LMF1: variants seen among roughly 807,000 people sequenced by gnomAD.
The protein encoded by LMF1 is lipase maturation factor 1.
A neutral mutation model predicts 60.6 loss-of-function variants in LMF1; 68 were observed. The ratio of observed to expected loss-of-function variants is 1.12; its 90% CI spans 0.92 to 1.37. The LOEUF is 1.37. Ranked by LOEUF, LMF1 falls within the 40% of genes most tolerant of loss-of-function variation. The pLI is 0.00. For missense variants in LMF1, 948 were observed against 767.2 expected (o/e 1.24, Z -2.78); for synonymous variants, 418 against 324.7 (o/e 1.29, Z -3.09).
intron 4 of LMF1, among the ~76,000 whole-genome samples, chr16:910,145 G>A (rs560101919): frequency 2.6e-5 from 4 of 152,354 alleles, no homozygotes; most frequent in South Asian, 2.1e-4. Context: ...TGTGGCAGAC[G>A]TCAAAAGGAC....
At chr16:914,557 G>C (rs2071219530) in intron 3 of LMF1, among the ~76,000 whole-genome samples, 1 of 144,632 alleles carries the variant, frequency 6.9e-6, no homozygotes, top group Non-Finnish European at 1.5e-5. Flanking sequence ...ATGACCACTG[G>C]TGACACACTC....
chr16:883,997 T>C (rs2070237632), intron 5 of LMF1: 1 of 152,268 alleles, frequency 6.6e-6, no homozygotes, highest in South Asian at 2.1e-4. Context: ...GATTTGTCTA[T>C]GTCTGCTTAC....
At chr16:860,730 T>C (rs911220100) in intron 10 of LMF1, among the ~76,000 whole-genome samples, 3 of 152,114 alleles carry the variant, frequency 2.0e-5, no homozygotes, top group African/African-American at 4.8e-5. Flanking sequence ...TCGAAGATTT[T>C]GTTTTTGTCC....
At chr16:935,929 A>C (rs1295613415) in intron 2 of LMF1, among the ~76,000 whole-genome samples, 1 of 152,250 alleles carries the variant, frequency 6.6e-6, no homozygotes, top group East Asian at 1.9e-4. Context: ...AGAGTACTGG[A>C]GGGCTCATTC....
intron 4 of LMF1, chr16:899,776 A>C (rs1384416218): frequency 6.6e-6 from 1 of 152,236 alleles, no homozygotes; most frequent in Non-Finnish European, 1.5e-5. Flanking sequence ...CGCTTTGCAG[A>C]CAGTCCTGGG....
chr16:965,305 T>C (rs183316043), intron 1 of LMF1, among the ~76,000 whole-genome samples: 20 of 152,148 alleles, frequency 1.3e-4, no homozygotes, highest in African/African-American at 4.3e-4. Context: ...CCCGCCCTGT[T>C]TGGAACCCAG....
At chr16:979,293 GCAC>G in intron 1 of LMF1, 1 of 359,432 alleles carries the variant, frequency 2.8e-6, no homozygotes, top group Non-Finnish European at 5.6e-6. Flanking sequence ...GGGTTTGTGG[GCAC>G]CACTCTGCAT....
chr16:934,070 C>T, intron 3 of LMF1, 174 bp downstream of exon 3: 5 of 1,517,930 alleles, frequency 3.3e-6, no homozygotes, highest in Non-Finnish European at 4.4e-6. Flanking sequence ...CTCCCACATC[C>T]AGGGAGGAGG....
rs12598254 is a variant in LMF1 at position 936,220 on chromosome 16, C to A, written c.504-1966G>T. Among the ~76,000 whole-genome samples, 1,130 of 140,490 alleles carry A rather than the reference C, an allele frequency of 8.0e-3. 9 individuals are homozygous for A. The highest frequency in any genetic ancestry group is 0.058 in the South Asian group (235 of 4,020). 92.2% of individuals were successfully genotyped at this position (140,490 alleles called of 152,430 possible). A position where few individuals can be genotyped will look rare whatever the true frequency, so the allele number is the denominator to read the frequency against. On this transcript the variant is annotated intron_variant, in intron 2 of 10. Coordinates refer to ENST00000262301, the MANE Select transcript of LMF1 (RefSeq NM_022773.4). The stretch of plus-strand genomic sequence containing the variant: ...AGGAGGCTGGGAGAGAGGGGGTACC[C>A]CGTGGGCTGAGGAAGGAGGCTGGGA...
At chr16:957,640 G>C (rs1490304905) in intron 1 of LMF1, among the ~76,000 whole-genome samples, 1 of 152,272 alleles carries the variant, frequency 6.6e-6, no homozygotes, top group African/African-American at 2.4e-5. Context: ...ATCTGGAAAA[G>C]AACAGAGGTG....
In LMF1 at chr16:959,664, C is replaced by T. The variant is rs566773584; in HGVS notation, c.194-4998G>A. ...TCCGGAAAATGTTCTGAGTGGAGAC[C>T]GCAAGGCCAGAAGGAGCTGTACACA... On this transcript the variant is annotated intron_variant, in intron 1 of 10. Transcript: ENST00000262301. 3.3e-5 allele frequency among the ~76,000 whole-genome samples: 5 copies of T among 152,286 alleles called. No homozygotes were observed. In the South Asian group the frequency reaches 8.3e-4, roughly 25 times the overall value.
chr16:873,012 G>A (rs901412507), intron 6 of LMF1: 1 of 152,254 alleles, frequency 6.6e-6, no homozygotes, highest in Non-Finnish European at 1.5e-5. Flanking sequence ...TCTAGCCTCA[G>A]GGAACTAGGG....
intron 2 of LMF1, among the ~76,000 whole-genome samples, chr16:951,357 G>C (rs192379759): frequency 0.011 from 1,621 of 152,322 alleles, 24 homozygotes; most frequent in African/African-American, 0.037. Flanking sequence ...CAGAGTCAGA[G>C]CCAACGATGG....
chr16:887,396 G>A (rs2070340921), intron 5 of LMF1, among the ~76,000 whole-genome samples: 1 of 152,226 alleles, frequency 6.6e-6, no homozygotes, highest in Non-Finnish European at 1.5e-5. Context: ...GCCGGGCCAG[G>A]CTGAGCACTT....
At chr16:890,944 C>T (rs962591776) in intron 5 of LMF1, among the ~76,000 whole-genome samples, 3 of 152,204 alleles carry the variant, frequency 2.0e-5, no homozygotes, top group African/African-American at 7.2e-5. Flanking sequence ...TGCTCCAGGC[C>T]GGGCCCACCC....
At chr16:884,757 C>T (rs1340526196) in intron 5 of LMF1, among the ~76,000 whole-genome samples, 1 of 145,228 alleles carries the variant, frequency 6.9e-6, no homozygotes, top group East Asian at 2.1e-4. Flanking sequence ...GGTCTCCACG[C>T]AGGAGTGAAG....
chr16:890,308 G>T (rs1345170747), intron 5 of LMF1, among the ~76,000 whole-genome samples: 1 of 152,206 alleles, frequency 6.6e-6, no homozygotes, highest in Non-Finnish European at 1.5e-5. Flanking sequence ...GCAAGAAAAG[G>T]GGCTCCTGGG....
intron 4 of LMF1, 104 bp downstream of exon 4, chr16:910,827 G>T: frequency 6.9e-7 from 1 of 1,447,360 alleles, no homozygotes; most frequent in East Asian, 2.3e-5. Context: ...GGAGGACAGA[G>T]GGCGGCGGGG....
chr16:928,067 C>A (rs2071661669), intron 3 of LMF1, among the ~76,000 whole-genome samples: 1 of 152,212 alleles, frequency 6.6e-6, no homozygotes, highest in African/African-American at 2.4e-5. Context: ...CCAGCACAAC[C>A]TGCAACGAAA....
Sources: gnomAD v4.1 joint callset for allele counts (sites outside exome capture counted in the v4.1 genomes callset) on GRCh38, gnomAD v4.1.1 for gene constraint, MANE v1.5 for transcripts, NCBI Gene and HGNC (gene_info 2026-07-23, HGNC 2026-07-21) for gene names.